The following CTNND2 variants were observed in gnomAD, a reference collection of about 807,000 sequenced individuals.
The protein encoded by CTNND2 is catenin delta-2.
Under a neutral mutation model 144.4 loss-of-function variants are expected in CTNND2, and 22 were observed. That is an observed-to-expected ratio of 0.15 (90% CI 0.11 to 0.22). The LOEUF (loss-of-function observed/expected upper bound fraction) is 0.22, where lower values mean the gene tolerates loss of function less well. Ranked by LOEUF, CTNND2 falls within the 10% of genes least tolerant of loss-of-function variation. The probability of loss-of-function intolerance (pLI) is 1.00; values close to 1 mark genes in which losing one functional copy is unlikely to be tolerated. For synonymous variants in CTNND2, 751 were observed against 695.6 expected, an observed-to-expected ratio of 1.08 and a Z score of -1.25; for missense variants, 1,353 against 1,618.8, an observed-to-expected ratio of 0.84 and a Z score of 2.82.
At chr5:11,497,283 A>G (rs1375202198) in intron 3 of CTNND2, among the ~76,000 whole-genome samples, 1 of 151,654 alleles carries the variant, frequency 6.6e-6, no homozygotes, top group Non-Finnish European at 1.5e-5. Flanking sequence ...CAAAGATGTC[A>G]CTTCTGAGTC....
intron 16 of CTNND2, among the ~76,000 whole-genome samples, chr5:11,076,873 C>T (rs559053407): frequency 2.0e-5 from 3 of 152,168 alleles, no homozygotes; most frequent in South Asian, 4.2e-4. Context: ...GAATGATCTA[C>T]GAAGAATTCT....
At chr5:11,579,069 G>A (rs2150126659) in intron 2 of CTNND2, among the ~76,000 whole-genome samples, 1 of 151,830 alleles carries the variant, frequency 6.6e-6, no homozygotes, top group South Asian at 2.1e-4. Flanking sequence ...GAACATTTCA[G>A]TGTGATCCGT....
chr5:11,527,828 G>A lies in CTNND2; in HGVS notation c.287+37116C>T, dbSNP rs190425959. ...AACAGAGAACAGTGGACACACAGGC[G>A]TGCAATAAACATTGTGTAATAAATG... is the stretch of plus-strand genomic sequence containing the variant. On this transcript the variant is annotated intron_variant, in intron 3 of 21. Transcript: ENST00000304623. Among the ~76,000 whole-genome samples, 71 of 152,264 alleles carry A rather than the reference G, an allele frequency of 4.7e-4. 1 individual carries two copies. In the South Asian group the frequency reaches 0.013, roughly 28 times the overall value.
chr5:11,767,255 C>A (rs1286027003), intron 1 of CTNND2, among the ~76,000 whole-genome samples: 2 of 152,188 alleles, frequency 1.3e-5, no homozygotes, highest in Non-Finnish European at 2.9e-5. Context: ...TAGCTCCAAT[C>A]CCATCAGTGC....
intron 10 of CTNND2, among the ~76,000 whole-genome samples, chr5:11,231,431 T>C (rs1054673083): frequency 2.0e-5 from 3 of 152,094 alleles, no homozygotes; most frequent in African/African-American, 7.2e-5. Flanking sequence ...ATGCTGATAG[T>C]GATATGGACA....
At chr5:11,354,255 C>T (rs982214196) in intron 8 of CTNND2, among the ~76,000 whole-genome samples, 2 of 152,192 alleles carry the variant, frequency 1.3e-5, no homozygotes, top group South Asian at 2.1e-4. Flanking sequence ...ATCTTAAGCA[C>T]TAAATGATTT....
intron 9 of CTNND2, among the ~76,000 whole-genome samples, chr5:11,249,565 A>G (rs1042604628): frequency 1.3e-5 from 2 of 152,216 alleles, no homozygotes; most frequent in African/African-American, 4.8e-5. Context: ...GCAGTCATTC[A>G]TATCAGCCAG....
intron 5 of CTNND2, among the ~76,000 whole-genome samples, chr5:11,404,602 C>T (rs866330134): frequency 0.011 from 637 of 57,308 alleles, 6 homozygotes; most frequent in Non-Finnish European, 0.02. Context: ...TATCTGTATT[C>T]TTTTTTTTTT....
chr5:11,628,595 T>G (rs1781269547), intron 2 of CTNND2, among the ~76,000 whole-genome samples: 1 of 152,188 alleles, frequency 6.6e-6, no homozygotes, highest in Non-Finnish European at 1.5e-5. Flanking sequence ...CACCATGATC[T>G]ACTGATTCCC....
At chr5:11,133,958 A>G (rs1417539709) in intron 12 of CTNND2, among the ~76,000 whole-genome samples, 1 of 152,172 alleles carries the variant, frequency 6.6e-6, no homozygotes, top group African/African-American at 2.4e-5. Flanking sequence ...TGGTCGCTCA[A>G]CCAAATACTA....
intron 3 of CTNND2, among the ~76,000 whole-genome samples, chr5:11,523,403 C>T (rs1382780237): frequency 6.6e-6 from 1 of 152,116 alleles, no homozygotes; most frequent in Admixed American, 6.6e-5. Context: ...GGCACACTTG[C>T]GTAACCATCG....
chr5:11,752,596 T>C (rs1425952852), intron 1 of CTNND2, among the ~76,000 whole-genome samples: 1 of 151,702 alleles, frequency 6.6e-6, no homozygotes, highest in East Asian at 1.9e-4. Context: ...TGTAGGCTTA[T>C]AGTATAGTTT....
At chr5:11,549,759 A>G (rs1775601926) in intron 3 of CTNND2, among the ~76,000 whole-genome samples, 2 of 152,172 alleles carry the variant, frequency 1.3e-5, no homozygotes, top group Non-Finnish European at 2.9e-5. Flanking sequence ...TTTCATAGTG[A>G]TGAGACTGTG....
At chr5:11,503,113 T>C (rs987596463) in intron 3 of CTNND2, among the ~76,000 whole-genome samples, 7 of 152,216 alleles carry the variant, frequency 4.6e-5, no homozygotes, top group East Asian at 1.9e-4. Flanking sequence ...CTTGATTTCA[T>C]AGGGGTCAGC....
At chr5:11,357,078 G>A (rs993157531) in intron 8 of CTNND2, among the ~76,000 whole-genome samples, 8 of 151,962 alleles carry the variant, frequency 5.3e-5, no homozygotes. Context: ...ACTGCTCATG[G>A]TATTATAAAC....
At chr5:11,513,918 C>T (rs536081221) in intron 3 of CTNND2, among the ~76,000 whole-genome samples, 1 of 152,190 alleles carries the variant, frequency 6.6e-6, no homozygotes, top group East Asian at 1.9e-4. Flanking sequence ...GACAAACATG[C>T]CTTTGACTCC....
At chr5:11,260,666 C>T (rs148659338) in intron 9 of CTNND2, among the ~76,000 whole-genome samples, 1,949 of 152,206 alleles carry the variant, frequency 0.013, 28 homozygotes, top group Non-Finnish European at 0.02. Context: ...GACATAATGA[C>T]ATTAATCTAT....
At chr5:11,247,508 A>G (rs891347110) in intron 9 of CTNND2, among the ~76,000 whole-genome samples, 49 of 152,212 alleles carry the variant, frequency 3.2e-4, no homozygotes, top group African/African-American at 1.1e-3. Flanking sequence ...TCAACTAGCA[A>G]GTTTTCTCCT....
chr5:11,601,352 A>G (rs1043639004), intron 2 of CTNND2, among the ~76,000 whole-genome samples: 7 of 152,112 alleles, frequency 4.6e-5, no homozygotes, highest in Non-Finnish European at 5.9e-5. Context: ...TTGCAATTCT[A>G]TGGAAAATGA....
Sources: gnomAD v4.1 joint callset for allele counts (sites outside exome capture counted in the v4.1 genomes callset) on GRCh38, gnomAD v4.1.1 for gene constraint, MANE v1.5 for transcripts, NCBI Gene and HGNC (gene_info 2026-07-23, HGNC 2026-07-21) for gene names.